MUC5B: variants seen among roughly 807,000 people sequenced by gnomAD.
The protein encoded by MUC5B is mucin-5B.
In MUC5B, 116 loss-of-function variants were observed where a neutral mutation model predicts 376.9. The ratio of observed to expected loss-of-function variants is 0.31; its 90% CI spans 0.26 to 0.36. The LOEUF is 0.36. Ranked by LOEUF, MUC5B falls within the 10% of genes least tolerant of loss-of-function variation. The probability of loss-of-function intolerance (pLI) is 1.00; values close to 1 mark genes in which losing one functional copy is unlikely to be tolerated. For synonymous variants in MUC5B, 3,517 were observed against 3,390.9 expected, an observed-to-expected ratio of 1.04 and a Z score of -1.29; for missense variants, 7,165 against 7,769.9, an observed-to-expected ratio of 0.92 and a Z score of 2.93.
Position 1,247,684 on chromosome 11 carries a change from C to T in MUC5B, c.10804C>T (p.Arg3602Cys), listed in dbSNP as rs767890987. ...GGDFDTYSNI[R>C]AAGGAVCEQP... ...GGACTTTGACACCTACTCCAACATC[C>T]GTGCGGCCGGAGGGGCAGTCTGTGA... The change falls in exon 31 of 49, where the codon CGT (arginine) becomes TGT (cysteine). Residue 3602 changes from arginine (R) to cysteine (C), a missense_variant. Coordinates refer to ENST00000529681, the MANE Select transcript of MUC5B (RefSeq NM_002458.3). The T allele has an allele frequency of 7.5e-6, 12 of 1,591,570 alleles. 1 individual carries two copies. The highest frequency in any genetic ancestry group is 5.1e-5 in the Admixed American group (3 of 59,202).
At position 1,252,483 on chromosome 11, in the gene MUC5B, TC is replaced by T. The variant is rs1178979948; in HGVS notation, c.15008del (p.Pro5003LeufsTer14). On this transcript the variant is annotated frameshift_variant, in exon 32 of 49. Coordinates refer to ENST00000529681, the MANE Select transcript of MUC5B (RefSeq NM_002458.3). LOFTEE classifies it high-confidence loss of function. ...PVSSAPLSSPSPAPGCDNAIP... is the reference protein window; with the variant it reads ...PVSSAPLSSPXPAPGCDNAIP... ...GTCCTCCGCCCCGCTGTCCTCGCCC[TC>T]CCCTGCCCCTGGCTGTGACAATGCC... 3 of 1,582,290 alleles carry T rather than the reference TC, an allele frequency of 1.9e-6. No homozygotes were observed. Among genetic ancestry groups the T allele is most frequent in the Admixed American group, 1.8e-5 (1 of 54,764 alleles).
rs764145278 is a variant in MUC5B at position 1,250,817 on chromosome 11, C to T, written c.13937C>T (p.Thr4646Ile). The T allele has an allele frequency of 2.5e-5, 41 of 1,613,302 alleles. No homozygotes were observed. Among genetic ancestry groups the T allele is most frequent in the Non-Finnish European group, 3.4e-5 (40 of 1,179,664 alleles). ...TVTPSSIPGTTHTARVLTTTT... is the reference protein window; with the variant it reads ...TVTPSSIPGTIHTARVLTTTT... ...ACCCCCTCCTCCATCCCGGGGACCA[C>T]CCACACCGCCAGAGTGCTGACCACC... The change falls in exon 31 of 49, where the codon ACC becomes ATC. Residue 4646 changes from threonine (T) to isoleucine (I), a missense_variant. By Grantham distance (89) the Thr-to-Ile change is moderately conservative (BLOSUM62 -1). Transcript: ENST00000529681.
Position 1,261,584 on chromosome 11 carries a change from G to C in MUC5B, c.17265G>C (p.Pro5755=). 1 of 1,606,358 alleles carries C rather than the reference G, an allele frequency of 6.2e-7. No homozygotes were observed. The highest frequency in any genetic ancestry group is 8.5e-7 in the Non-Finnish European group (1 of 1,177,498). The stretch of plus-strand genomic sequence containing the variant: ...CTCCCCCACACACCCGTGGCTTCCC[G>C]GCCCAGGAGGCCACTGCTGTCTGAG... The part of the protein sequence containing the change: ...PMAPPHTRGF[P]AQEATAV The change falls in exon 49 of 49, where the codon CCG becomes CCC. Residue 5755 remains proline, a synonymous_variant. Transcript: ENST00000529681.
chr11:1,243,324 C>T lies in MUC5B; in HGVS notation c.6444C>T (p.Asn2148=). 2 of 1,557,466 alleles carry T rather than the reference C, an allele frequency of 1.3e-6. No individual in the cohort carries two copies. The stretch of plus-strand genomic sequence containing the variant: ...TCACGGCCACCGGCTCCACCACCAA[C>T]CCCTCCTCAACTCCTGGGACAACTC... The part of the protein sequence containing the change: ...TTITATGSTT[N]PSSTPGTTPI... The change falls in exon 31 of 49, where the codon AAC becomes AAT. Residue 2148 remains asparagine, a synonymous_variant. Coordinates refer to ENST00000529681, the MANE Select transcript of MUC5B (RefSeq NM_002458.3).
chr11:1,226,152 C>G, intron 2 of MUC5B, 53 bp from the exon 3 acceptor site: 3 of 1,507,058 alleles, frequency 2.0e-6, no homozygotes, highest in Non-Finnish European at 2.7e-6. Flanking sequence ...GGGAGGGTGT[C>G]TCTGCTTCCC....
chr11:1,256,345 C>G (rs1245347576), intron 38 of MUC5B, 120 bp downstream of exon 38: 4 of 635,652 alleles, frequency 6.3e-6, no homozygotes, highest in African/African-American at 1.8e-5. Context: ...GGTGCCCGAG[C>G]CCAGGACTCC....
chr11:1,250,005 C>T lies in MUC5B; in HGVS notation c.13125C>T (p.Ala4375=). Residue 4375 remains alanine (A), a synonymous_variant, in exon 31 of 49, where the codon GCC becomes GCT. Coordinates refer to ENST00000529681, the MANE Select transcript of MUC5B (RefSeq NM_002458.3). ...CCACGAAGGCCACCACGACAAGGGC[C>T]ACCAGTTCCACGTCCACCCCCTCCT... ...VLTTKATTTR[A]TSSTSTPSST... is the part of the protein sequence containing the mutation. The T allele has an allele frequency of 6.2e-7, 1 of 1,612,386 alleles. No homozygotes were observed. The highest frequency in any genetic ancestry group is 8.5e-7 in the Non-Finnish European group (1 of 1,178,960).
At chr11:1,260,272 G>C in intron 46 of MUC5B, 79 bp from the exon 47 acceptor site, 1 of 1,493,430 alleles carries the variant, frequency 6.7e-7, no homozygotes, top group Non-Finnish European at 9.3e-7. Context: ...CCCTGCCCGG[G>C]TGGGCCCCTC....
In MUC5B at chr11:1,230,159, C is replaced by T. The variant is rs375392825; in HGVS notation, c.1359+16C>T. 114 of 1,578,342 alleles carry T rather than the reference C, an allele frequency of 7.2e-5. No individual in the cohort carries two copies. The highest frequency in any genetic ancestry group is 3.2e-4 in the African/African-American group (24 of 73,956). Reference sequence around the variant, plus strand: ...TCTGTCCAAGGTCTGGGCTTGGGGCCGGGTCTTCAGACACCCAGACCCTCC... The same window carrying T: ...TCTGTCCAAGGTCTGGGCTTGGGGCTGGGTCTTCAGACACCCAGACCCTCC... On this transcript the variant is annotated intron_variant, in intron 11 of 48. Transcript: ENST00000529681.
At position 1,242,909 on chromosome 11, in the gene MUC5B, C is replaced by T. The variant is rs553603998; in HGVS notation, c.6029C>T (p.Pro2010Leu). 8.1e-6 allele frequency: 13 copies of T among 1,613,698 alleles called. No individual in the cohort carries two copies. Among genetic ancestry groups the T allele is most frequent in the Middle Eastern group, 1.6e-4 (1 of 6,062 alleles). Reference protein sequence around the residue: ...TPTATMSTATPSSTPETAHTS... With the variant: ...TPTATMSTATLSSTPETAHTS... ...ACGGCCACCATGTCCACAGCCACAC[C>T]CTCCTCCACTCCAGAGACTGCCCAC... The change falls in exon 31 of 49, where the codon CCC becomes CTC. Residue 2010 changes from proline to leucine, a missense_variant. Physicochemically the swap from Pro to Leu is moderately conservative, Grantham distance 98. Transcript: ENST00000529681.
At chr11:1,261,130 G>T (rs1179576985) in intron 48 of MUC5B, among the ~76,000 whole-genome samples, 2 of 152,248 alleles carry the variant, frequency 1.3e-5, no homozygotes, top group African/African-American at 2.4e-5. Context: ...GCTGCTTAGG[G>T]TCAGCAGGAT....
At position 1,242,878 on chromosome 11, in the gene MUC5B, A is replaced by G; in HGVS notation, c.5998A>G (p.Thr2000Ala). ...TTWTRLSQTT[T>A]PTATMSTATP... ...CTGGACCCGCCTATCACAGACCACC[A>G]CACCCACGGCCACCATGTCCACAGC... The change falls in exon 31 of 49, where the codon ACA (threonine) becomes GCA (alanine). Residue 2000 changes from threonine to alanine, a missense_variant. Transcript: ENST00000529681. The G allele has an allele frequency of 6.2e-7, 1 of 1,612,932 alleles. No homozygotes were observed.
At chr11:1,260,232 G>A in intron 46 of MUC5B, 119 bp from the exon 47 acceptor site, 1 of 1,356,118 alleles carries the variant, frequency 7.4e-7, no homozygotes, top group Non-Finnish European at 1.0e-6. Context: ...CCCTGCCTGG[G>A]AGGCCCCGCC....
Position 1,234,367 on chromosome 11 carries a change from A to G in MUC5B, c.2478+62A>G. On this transcript the variant is annotated intron_variant, in intron 20 of 48. Transcript: ENST00000529681. This position sits in a 1 kb window ranked among gnomAD's most constrained non-coding sequence, Gnocchi z 6.3. ...GGGGTCCCAGCTTTCCCAGCTCCCG[A>G]GCCCAGGGATCTGGTGGTCCTGGAG... The G allele has an allele frequency of 6.6e-7, 1 of 1,522,730 alleles. No individual in the cohort carries two copies. Among genetic ancestry groups the G allele is most frequent in the Non-Finnish European group, 8.9e-7 (1 of 1,121,314 alleles). 94.3% of individuals were successfully genotyped at this position (1,522,730 alleles called of 1,614,324 possible). A position where few individuals can be genotyped will look rare whatever the true frequency, so the allele number is the denominator to read the frequency against.
Position 1,253,038 on chromosome 11 carries a change from T to C in MUC5B, c.15217+58T>C. 1 of 1,507,806 alleles carries C rather than the reference T, an allele frequency of 6.6e-7. No individual in the cohort carries two copies. Among genetic ancestry groups the C allele is most frequent in the Non-Finnish European group, 9.0e-7 (1 of 1,116,418 alleles). The allele number at this position is 1,507,806 out of a possible 1,614,324, so 93.4% of individuals were successfully genotyped here. On this transcript the variant is annotated intron_variant, in intron 33 of 48. Transcript: ENST00000529681. This position sits in a 1 kb window ranked among gnomAD's most constrained non-coding sequence, Gnocchi z 4.3. ...GGGGCAGGTGGAGCAGAGTGCACCGTCGGCTAGGCTGGCAGAATGGGGCAT... is the reference window on the plus strand; with the variant it reads ...GGGGCAGGTGGAGCAGAGTGCACCGCCGGCTAGGCTGGCAGAATGGGGCAT...
rs764903024 is a variant in MUC5B at position 1,250,606 on chromosome 11, G to A, written c.13726G>A (p.Gly4576Ser). ...TATATTTGAT[G>S]SVATPSSTPG... ...CACGGCCACCACAACCGGGGCCACCGGCTCTGTGGCCACCCCCTCCTCCAC... is the reference window on the plus strand; with the variant it reads ...CACGGCCACCACAACCGGGGCCACCAGCTCTGTGGCCACCCCCTCCTCCAC... The change falls in exon 31 of 49, where the codon GGC becomes AGC. Residue 4576 changes from glycine to serine, a missense_variant. Physicochemically the swap from Gly to Ser is moderately conservative, Grantham distance 56. Transcript: ENST00000529681. 2.1e-5 allele frequency: 34 copies of A among 1,612,772 alleles called. No individual in the cohort carries two copies. The East Asian group carries it at 3.3e-4, about 16-fold the overall frequency.
In MUC5B at chr11:1,234,699, G is replaced by T; in HGVS notation, c.2630+19G>T. 1 of 1,468,514 alleles carries T rather than the reference G, an allele frequency of 6.8e-7. No individual in the cohort carries two copies. The highest frequency in any genetic ancestry group is 9.1e-7 in the Non-Finnish European group (1 of 1,104,586). 91.0% of individuals were successfully genotyped at this position (1,468,514 alleles called of 1,614,324 possible). A position where few individuals can be genotyped will look rare whatever the true frequency, so the allele number is the denominator to read the frequency against. ...ACACCTGGTGGGTCGTGAGTCTCTCGGAGGCAGCAGGTGGGGAGGGCGGGG... is the reference window on the plus strand; with the variant it reads ...ACACCTGGTGGGTCGTGAGTCTCTCTGAGGCAGCAGGTGGGGAGGGCGGGG... On this transcript the variant is annotated intron_variant, in intron 21 of 48. Coordinates refer to ENST00000529681, the MANE Select transcript of MUC5B (RefSeq NM_002458.3). The surrounding 1 kb of genome is among the most constrained non-coding windows in gnomAD (Gnocchi z 6.3).
chr11:1,239,058 G>T (rs779994885), intron 26 of MUC5B, 31 bp downstream of exon 26: 1 of 1,563,598 alleles, frequency 6.4e-7, no homozygotes, highest in Middle Eastern at 1.7e-4. Context: ...GGTGCTGAAG[G>T]GTGGAGCTGC....
chr11:1,226,153 T>G (rs1263542072), intron 2 of MUC5B, 52 bp from the exon 3 acceptor site: 1 of 1,508,966 alleles, frequency 6.6e-7, no homozygotes, highest in Non-Finnish European at 8.9e-7. Flanking sequence ...GGAGGGTGTC[T>G]CTGCTTCCCC....
Sources: allele counts gnomAD v4.1 joint callset (sites outside exome capture counted in the v4.1 genomes callset), GRCh38; gene constraint gnomAD v4.1.1; non-coding constraint Gnocchi (gnomAD v3.1); transcripts MANE v1.5; gene names NCBI Gene and HGNC (gene_info 2026-07-23, HGNC 2026-07-21).